The following PLOD1 variants were observed in gnomAD, a reference collection of about 807,000 sequenced individuals.
PLOD1 encodes lysine hydroxylase.
In PLOD1, 70 loss-of-function variants were observed where a neutral mutation model predicts 94.7. The ratio of observed to expected loss-of-function variants is 0.74; its 90% CI spans 0.61 to 0.90. The LOEUF (loss-of-function observed/expected upper bound fraction) is 0.90. PLOD1 is among the 40% of genes least tolerant of loss of function. PLOD1 has a pLI of 0.00. For missense variants in PLOD1, 905 were observed against 972.7 expected, an observed-to-expected ratio of 0.93 and a Z score of 0.93; for synonymous variants, 417 against 400.2, an observed-to-expected ratio of 1.04 and a Z score of -0.50.
rs750987724 is a variant in PLOD1, at chr1:11,950,347, C to T, written c.303-10C>T. The T allele has an allele frequency of 4.9e-5, 79 of 1,613,866 alleles. No individual in the cohort carries two copies. The highest frequency in any genetic ancestry group is 6.5e-5 in the Non-Finnish European group (77 of 1,179,926). ...TGCCCTGCTCCGTCTTCTCGCTGCT[C>T]TGGCCACAGCTATGACGTGCTGTTT... On this transcript the variant is annotated splice_polypyrimidine_tract_variant and intron_variant, in intron 3 of 18. Transcript: ENST00000196061.
Position 11,967,084 on chromosome 1 carries a change from A to G in PLOD1, c.1748A>G (p.Asn583Ser), listed in dbSNP as rs764804887. 5.6e-6 allele frequency: 9 copies of G among 1,605,638 alleles called. No individual in the cohort carries two copies. Among genetic ancestry groups the G allele is most frequent in the Non-Finnish European group, 7.7e-6 (9 of 1,172,402 alleles). The change falls in exon 16 of 19, where the codon AAC becomes AGC. Residue 583 changes from asparagine to serine, a missense_variant. Transcript: ENST00000196061. Reference protein sequence around the residue: ...MEHFGQWSLGNNKDNRIQGGY... With the variant: ...MEHFGQWSLGSNKDNRIQGGY... ...CACTTTGGCCAGTGGTCTCTGGGCA[A>G]CAACAAGGTGGGACCCTGATGCCTG...
chr1:11,974,255 C>T (rs1288944774), intron 18 of PLOD1, among the ~76,000 whole-genome samples: 7 of 151,544 alleles, frequency 4.6e-5, no homozygotes, highest in Admixed American at 4.6e-4. Flanking sequence ...AGTACAGTGG[C>T]GCGATCTCGG....
At chr1:11,956,276 C>G (rs1338622318) in intron 6 of PLOD1, among the ~76,000 whole-genome samples, 1 of 152,116 alleles carries the variant, frequency 6.6e-6, no homozygotes, top group Non-Finnish European at 1.5e-5. Flanking sequence ...CCCAGCTACT[C>G]AGGAGGCTGA....
intron 9 of PLOD1, among the ~76,000 whole-genome samples, chr1:11,960,133 G>A (rs374571730): frequency 1.2e-3 from 183 of 152,036 alleles, no homozygotes; most frequent in African/African-American, 4.0e-3. Context: ...CACCATGCCC[G>A]GCTAATTTTT....
At chr1:11,966,200 TG>T in intron 14 of PLOD1, 50 bp from the exon 15 acceptor site, 1 of 1,362,968 alleles carries the variant, frequency 7.3e-7, no homozygotes, top group Non-Finnish European at 1.0e-6. Context: ...TGAGCATCCC[TG>T]GCAGTTGAGC....
intron 14 of PLOD1, among the ~76,000 whole-genome samples, 200 bp from the exon 15 acceptor site, chr1:11,966,051 A>G (rs1374582459): frequency 6.6e-6 from 1 of 152,054 alleles, no homozygotes; most frequent in African/African-American, 2.4e-5. Flanking sequence ...AAGCACACAC[A>G]TGTACATACA....
chr1:11,954,574 G>A (rs1645725226), intron 5 of PLOD1: 3 of 738,212 alleles, frequency 4.1e-6, no homozygotes, highest in South Asian at 2.7e-5. Context: ...ATTGTTGTAG[G>A]TGAGCCGGCT....
Position 11,956,998 on chromosome 1 carries a change from G to A in PLOD1, c.725G>A (p.Gly242Asp). The A allele has an allele frequency of 6.2e-7, 1 of 1,612,590 alleles. No individual in the cohort carries two copies. ...AYDTLPVLIHGNGPTKLQLNY... is the reference protein window; with the variant it reads ...AYDTLPVLIHDNGPTKLQLNY... ...GACACCCTCCCGGTCCTGATCCATG[G>A]CAACGGGCCAACCAAGGTAGGGGGT... Residue 242 changes from glycine (G) to aspartate (D), a missense_variant, in exon 7 of 19, where the codon GGC becomes GAC. Physicochemically the swap from Gly to Asp is moderately conservative, Grantham distance 94 (BLOSUM62 -1). Transcript: ENST00000196061.
In PLOD1 at chr1:11,964,799, G is replaced by A. The variant is rs761691961; in HGVS notation, c.1470+14G>A. ...ATCCGGCAGCAGGTCAGCCAGGAGC[G>A]GGCAGCACAGGACGCCCTCTGGATG... On this transcript the variant is annotated intron_variant, in intron 13 of 18. Transcript: ENST00000196061. 210 of 1,613,134 alleles carry A rather than the reference G, an allele frequency of 1.3e-4. 1 individual carries two copies. In the Middle Eastern group the frequency reaches 3.8e-3, roughly 29 times the overall value.
intron 17 of PLOD1, chr1:11,971,725 A>G (rs1469032149): frequency 1.3e-5 from 2 of 151,978 alleles, no homozygotes; most frequent in East Asian, 3.9e-4. Context: ...AGTGGCTCCT[A>G]TACCAGCCCA....
At position 11,960,756 on chromosome 1, in the gene PLOD1, G is replaced by A; in HGVS notation, c.1086G>A (p.Arg362=). 4 of 1,613,164 alleles carry A rather than the reference G, an allele frequency of 2.5e-6. No individual in the cohort carries two copies. The highest frequency in any genetic ancestry group is 3.4e-6 in the Non-Finnish European group (4 of 1,179,992). ...PEVRMANADA[R]NMGADLCRQD... ...TGCGGATGGCGAATGCAGATGCCAG[G>A]AACATGGGCGCGTGAGTTGTGGGCC... The change falls in exon 10 of 19, where the codon AGG becomes AGA. Residue 362 remains arginine, a synonymous_variant. Coordinates refer to ENST00000196061, the MANE Select transcript of PLOD1 (RefSeq NM_000302.4).
At chr1:11,945,460 G>A (rs1352944997) in intron 1 of PLOD1, among the ~76,000 whole-genome samples, 1 of 151,842 alleles carries the variant, frequency 6.6e-6, no homozygotes, top group East Asian at 1.9e-4. Flanking sequence ...AACAAGAAAG[G>A]GGACACAGAG....
chr1:11,944,422 T>TACACACAC (rs5772479), intron 1 of PLOD1: 30,689 of 472,170 alleles, frequency 0.065, 387 homozygotes, highest in South Asian at 0.097. Context: ...CATGCACGCG[T>TACACACAC]ACACACACAC....
chr1:11,953,674 C>A (rs1645718724), intron 5 of PLOD1, among the ~76,000 whole-genome samples: 1 of 151,534 alleles, frequency 6.6e-6, no homozygotes. Context: ...TGCCTGTAAT[C>A]CCAGCTACTC....
intron 18 of PLOD1, 29 bp downstream of exon 18, chr1:11,973,026 G>T: frequency 1.2e-6 from 2 of 1,613,158 alleles, no homozygotes; most frequent in Non-Finnish European, 1.7e-6. Context: ...GGGTCAAGGG[G>T]CCGGCAATGG....
intron 9 of PLOD1, among the ~76,000 whole-genome samples, chr1:11,959,524 CCT>C (rs1421955952): frequency 6.6e-6 from 1 of 150,944 alleles, no homozygotes; most frequent in Non-Finnish European, 1.5e-5. Context: ...CTCACTGCAA[CCT>C]CTGCCTCTTG....
intron 6 of PLOD1, among the ~76,000 whole-genome samples, chr1:11,955,304 G>A (rs1412179670): frequency 2.6e-5 from 4 of 152,220 alleles, no homozygotes; most frequent in African/African-American, 7.2e-5. Context: ...CCTTGATGCC[G>A]CAAACATCCC....
At chr1:11,968,839 CTTTTTT>C (rs566417062) in intron 16 of PLOD1, among the ~76,000 whole-genome samples, 1 of 124,114 alleles carries the variant, frequency 8.1e-6, no homozygotes, top group South Asian at 2.6e-4. Context: ...TTTCTACGTC[CTTTTTT>C]TTTTTTTTTT....
intron 9 of PLOD1, among the ~76,000 whole-genome samples, chr1:11,960,266 G>C (rs1645768719): frequency 6.6e-6 from 1 of 152,202 alleles, no homozygotes; most frequent in South Asian, 2.1e-4. Flanking sequence ...CACTGTGCCT[G>C]GCCTGGACTG....
Sources: allele counts gnomAD v4.1 joint callset (sites outside exome capture counted in the v4.1 genomes callset), GRCh38; gene constraint gnomAD v4.1.1; transcripts MANE v1.5; gene names NCBI Gene and HGNC (gene_info 2026-07-23, HGNC 2026-07-21).